Variants in TLN2 observed in about 807,000 individuals in gnomAD.
TLN2 encodes talin 2, also known as talin-2.
Under a neutral mutation model 294.7 loss-of-function variants are expected in TLN2, and 118 were observed. The ratio of observed to expected loss-of-function variants is 0.40; its 90% CI spans 0.34 to 0.47. The LOEUF (loss-of-function observed/expected upper bound fraction) is 0.47. TLN2 is among the 20% of genes least tolerant of loss of function. TLN2 has a pLI of 0.84. For missense variants in TLN2, 3,083 were observed against 3,282.2 expected (o/e 0.94, Z 1.48); for synonymous variants, 1,431 against 1,304.5 (o/e 1.10, Z -2.09).
chr15:62,622,889 C>T (rs1171099110), intron 3 of TLN2, among the ~76,000 whole-genome samples: 2 of 152,184 alleles, frequency 1.3e-5, no homozygotes, highest in Admixed American at 6.5e-5. Context: ...ACACTCTAAG[C>T]TGTCGACATA....
chr15:62,791,806 A>T (rs191151620), intron 45 of TLN2, among the ~76,000 whole-genome samples: 1 of 152,394 alleles, frequency 6.6e-6, no homozygotes, highest in African/African-American at 2.4e-5. Flanking sequence ...TGTATCGATC[A>T]GACCAAAATG....
chr15:62,664,038 T>C (rs1217264382), intron 9 of TLN2, among the ~76,000 whole-genome samples: 6 of 151,970 alleles, frequency 3.9e-5, no homozygotes, highest in South Asian at 2.1e-4. Context: ...GGTAAAGTAA[T>C]TAAAACACTA....
intron 42 of TLN2, 47 bp from the exon 43 acceptor site, chr15:62,776,717 C>T: frequency 7.1e-7 from 1 of 1,402,248 alleles, no homozygotes; most frequent in South Asian, 1.8e-5. Flanking sequence ...GAAGACTGAG[C>T]ACCGCTCTCT....
chr15:62,681,809 G>C (rs937177560), intron 11 of TLN2, among the ~76,000 whole-genome samples: 2 of 152,058 alleles, frequency 1.3e-5, no homozygotes, highest in Non-Finnish European at 2.9e-5. Flanking sequence ...TAATTTTTTC[G>C]AGACACGATC....
At chr15:62,710,720 CTTTTT>C (rs71287048) in intron 21 of TLN2, among the ~76,000 whole-genome samples, 1 of 77,046 alleles carries the variant, frequency 1.3e-5, no homozygotes, top group Non-Finnish European at 2.4e-5. Context: ...TGCTGATGTC[CTTTTT>C]TTTTTTTTTT....
chr15:62,768,579 C>T (rs377618896), intron 41 of TLN2, among the ~76,000 whole-genome samples: 56 of 152,286 alleles, frequency 3.7e-4, no homozygotes, highest in East Asian at 1.4e-3. Flanking sequence ...TTTTGAGGGG[C>T]CACCATTCAG....
chr15:62,549,567 C>T (rs530154429), intron 1 of TLN2, among the ~76,000 whole-genome samples: 60 of 151,984 alleles, frequency 3.9e-4, no homozygotes, highest in Admixed American at 5.9e-4. Flanking sequence ...CCACTAGAGG[C>T]GAAATCTAGG....
intron 1 of TLN2, among the ~76,000 whole-genome samples, chr15:62,538,242 A>AC (rs1567071484): frequency 1.3e-4 from 20 of 150,006 alleles, no homozygotes; most frequent in African/African-American, 4.6e-4. Flanking sequence ...CACACACACA[A>AC]AAACACCAGC....
chr15:62,394,336 G>T (rs935051886), intron 1 of TLN2, among the ~76,000 whole-genome samples: 12 of 152,054 alleles, frequency 7.9e-5, no homozygotes, highest in African/African-American at 2.9e-4. Flanking sequence ...GATTTTGAGT[G>T]GTCGTTGGCC....
At chr15:62,407,829 C>T (rs1217278797) in intron 1 of TLN2, among the ~76,000 whole-genome samples, 2 of 151,958 alleles carry the variant, frequency 1.3e-5, no homozygotes, top group East Asian at 3.9e-4. Flanking sequence ...GCATGAGAAT[C>T]GCTTGAACCC....
At chr15:62,768,031 G>C (rs566376086) in intron 41 of TLN2, among the ~76,000 whole-genome samples, 1 of 152,320 alleles carries the variant, frequency 6.6e-6, no homozygotes, top group East Asian at 1.9e-4. Context: ...ATTTTGGACA[G>C]AGGCAGTCGG....
At chr15:62,739,234 C>G (rs546722483) in intron 30 of TLN2, 114 bp from the exon 31 acceptor site, 3 of 1,192,706 alleles carry the variant, frequency 2.5e-6, no homozygotes, top group African/African-American at 1.5e-5. Flanking sequence ...GCCTTTTAAT[C>G]GTGATGACTC....
At chr15:62,812,988 A>G (rs2066810379) in intron 52 of TLN2, among the ~76,000 whole-genome samples, 1 of 152,348 alleles carries the variant, frequency 6.6e-6, no homozygotes, top group South Asian at 2.1e-4. Flanking sequence ...TGTAACAGGA[A>G]GAAGGGCACT....
Position 62,707,143 on chromosome 15 carries a change from A to C in TLN2, c.2062A>C (p.Lys688Gln). 1.9e-6 allele frequency: 3 copies of C among 1,614,216 alleles called. No individual in the cohort carries two copies. The highest frequency in any genetic ancestry group is 2.5e-6 in the Non-Finnish European group (3 of 1,180,036). ...CAATGCAGCTGCCATGTTGGTACTA[A>C]AGGCAAAGAATGTTGCCCAAGTGGC... ...VANAAAMLVLKAKNVAQVAED... is the reference protein window; with the variant it reads ...VANAAAMLVLQAKNVAQVAED... The change falls in exon 20 of 59, where the codon AAG (lysine) becomes CAG (glutamine). Residue 688 changes from lysine to glutamine, a missense_variant. Physicochemically the swap from Lys to Gln is moderately conservative, Grantham distance 53. Coordinates refer to ENST00000636159, the MANE Select transcript of TLN2 (RefSeq NM_015059.3).
chr15:62,770,955 T>TG lies in TLN2; in HGVS notation c.5197-9_5197-8insG, dbSNP rs1377789574. 2 of 1,560,420 alleles carry TG rather than the reference T, an allele frequency of 1.3e-6. No individual in the cohort carries two copies. Among genetic ancestry groups the TG allele is most frequent in the Non-Finnish European group, 1.7e-6 (2 of 1,162,098 alleles). ...ATACATCTCTGGCTTTTTTTTTTTT[T>TG]TTTGAAAGGTGACACAACTGGCAAG... On this transcript the variant is annotated splice_polypyrimidine_tract_variant and intron_variant, in intron 41 of 58. Coordinates refer to ENST00000636159, the MANE Select transcript of TLN2 (RefSeq NM_015059.3).
At chr15:62,392,352 G>A (rs2032167819) in intron 1 of TLN2, among the ~76,000 whole-genome samples, 2 of 152,212 alleles carry the variant, frequency 1.3e-5, no homozygotes, top group Admixed American at 6.5e-5. Context: ...AAAGACGGTT[G>A]GGTAGGGATG....
chr15:62,506,882 C>A (rs2039648260), intron 1 of TLN2, among the ~76,000 whole-genome samples: 1 of 152,184 alleles, frequency 6.6e-6, no homozygotes, highest in African/African-American at 2.4e-5. Flanking sequence ...CAGAATGCTT[C>A]CTTTTCCTCC....
chr15:62,727,244 TGGG>T, intron 28 of TLN2, 55 bp downstream of exon 28: 2 of 1,504,022 alleles, frequency 1.3e-6, no homozygotes, highest in Non-Finnish European at 1.8e-6. Context: ...CTGGGTGTAG[TGGG>T]GGAGGAGGAG....
chr15:62,496,525 C>T (rs1315725633), intron 1 of TLN2, among the ~76,000 whole-genome samples: 3 of 96,338 alleles, frequency 3.1e-5, no homozygotes, highest in East Asian at 3.3e-4. Context: ...AGCAGCTTCC[C>T]GTCTTGGAGC....
Sources: gnomAD v4.1 joint callset for allele counts (sites outside exome capture counted in the v4.1 genomes callset) on GRCh38, gnomAD v4.1.1 for gene constraint, MANE v1.5 for transcripts, NCBI Gene and HGNC (gene_info 2026-07-23, HGNC 2026-07-21) for gene names.